PRELID2: variants seen among roughly 807,000 people sequenced by gnomAD.
PRELID2 encodes the protein PRELI domain-containing protein 2.
Under a neutral mutation model 28.4 loss-of-function variants are expected in PRELID2, and 25 were observed. The observed-to-expected ratio is 0.88, with a 90% CI of 0.64 to 1.23. The LOEUF is 1.23. Among genes scored for constraint, PRELID2 ranks in the 50% most tolerant of loss-of-function variants. PRELID2 has a pLI of 0.00. For missense variants in PRELID2, 201 were observed against 214.4 expected (o/e 0.94, Z 0.39); for synonymous variants, 76 against 71.6 (o/e 1.06, Z -0.31).
chr5:145,384,568 T>TA, the PRELID2 span, among the ~76,000 whole-genome samples: 1 of 152,296 alleles, frequency 6.6e-6, no homozygotes, highest in East Asian at 1.9e-4. Context: ...TAATCTGTGG[T>TA]AATCGTATTA....
At chr5:145,609,038 C>T (rs1753569303) in intron 1 of PRELID2, among the ~76,000 whole-genome samples, 1 of 152,140 alleles carries the variant, frequency 6.6e-6, no homozygotes, top group South Asian at 2.1e-4. Flanking sequence ...CTCTCCTCAG[C>T]TTGGTCAATT....
At chr5:145,719,203 T>G (rs1755921258) in intron 1 of PRELID2, among the ~76,000 whole-genome samples, 1 of 151,774 alleles carries the variant, frequency 6.6e-6, no homozygotes, top group Admixed American at 6.6e-5. Context: ...CCAGGAAAAC[T>G]GTGGGAAGAG....
intron 1 of PRELID2, among the ~76,000 whole-genome samples, chr5:145,714,000 AG>A (rs1755776897): frequency 6.6e-6 from 1 of 151,982 alleles, no homozygotes; most frequent in Non-Finnish European, 1.5e-5. Context: ...TAAAAAAAAA[AG>A]TCTATAGCAG....
At chr5:145,403,913 A>G in the PRELID2 span, among the ~76,000 whole-genome samples, 1 of 152,202 alleles carries the variant, frequency 6.6e-6, no homozygotes, top group South Asian at 2.1e-4. Context: ...AGCTCGCAGG[A>G]AAGTTAAATC....
the PRELID2 span, among the ~76,000 whole-genome samples, chr5:145,376,533 T>G: frequency 6.6e-6 from 1 of 152,148 alleles, no homozygotes; most frequent in East Asian, 1.9e-4. Flanking sequence ...TTCCTGGGCT[T>G]TTTTTAGTTT....
the PRELID2 span, among the ~76,000 whole-genome samples, chr5:145,369,795 C>T: frequency 6.6e-6 from 1 of 152,108 alleles, no homozygotes; most frequent in South Asian, 2.1e-4. Flanking sequence ...TGTTTCTTGA[C>T]TTTTTAATAA....
At chr5:145,499,930 C>G (rs909669151) in intron 1 of PRELID2, among the ~76,000 whole-genome samples, 11 of 152,322 alleles carry the variant, frequency 7.2e-5, no homozygotes, top group African/African-American at 2.6e-4. Flanking sequence ...GCACACCTAC[C>G]TGTAAACCCC....
intron 4 of PRELID2, among the ~76,000 whole-genome samples, chr5:145,800,799 C>G (rs932784761): frequency 2.0e-5 from 3 of 152,170 alleles, no homozygotes; most frequent in Non-Finnish European, 2.9e-5. Flanking sequence ...AAATATTGCA[C>G]TTTCCCTCAA....
At chr5:145,809,453 A>G (rs1753784639) in intron 4 of PRELID2, among the ~76,000 whole-genome samples, 1 of 152,254 alleles carries the variant, frequency 6.6e-6, no homozygotes, top group Non-Finnish European at 1.5e-5. Flanking sequence ...TGAGGCTATA[A>G]GCACCTGGAG....
chr5:145,755,797 A>G (rs1467905653), downstream of PRELID2, among the ~76,000 whole-genome samples: 1 of 152,198 alleles, frequency 6.6e-6, no homozygotes, highest in African/African-American at 2.4e-5. Context: ...CAGATGCTCA[A>G]TAAATGCTGG....
intron 1 of PRELID2, among the ~76,000 whole-genome samples, chr5:145,488,514 T>C (rs761774592): frequency 2.7e-4 from 41 of 152,138 alleles, no homozygotes; most frequent in Non-Finnish European, 4.9e-4. Flanking sequence ...CTGATTAATT[T>C]GATAATCATA....
intron 1 of PRELID2, among the ~76,000 whole-genome samples, chr5:145,647,135 G>C (rs1361780638): frequency 6.6e-6 from 1 of 152,212 alleles, no homozygotes; most frequent in Non-Finnish European, 1.5e-5. Context: ...CCTTTCTCCA[G>C]GTGCTCTGTC....
chr5:145,564,179 G>T (rs1328648278), intron 1 of PRELID2, among the ~76,000 whole-genome samples: 1 of 152,184 alleles, frequency 6.6e-6, no homozygotes, highest in Admixed American at 6.5e-5. Flanking sequence ...TGGTGTACCT[G>T]CCTCTGAAAA....
chr5:145,802,163 A>C (rs1753180622), intron 4 of PRELID2, among the ~76,000 whole-genome samples: 1 of 152,196 alleles, frequency 6.6e-6, no homozygotes, highest in African/African-American at 2.4e-5. Flanking sequence ...ATAGTGTTCT[A>C]CTGATTGAAA....
intron 1 of PRELID2, among the ~76,000 whole-genome samples, chr5:145,509,156 T>C (rs1375023463): frequency 6.6e-6 from 1 of 152,182 alleles, no homozygotes; most frequent in Non-Finnish European, 1.5e-5. Context: ...TGAACATCCG[T>C]GATATGGGTT....
the PRELID2 span, chr5:145,229,147 A>C: frequency 5.7e-6 from 6 of 1,055,918 alleles, no homozygotes; most frequent in South Asian, 7.6e-5. Context: ...GTGGGGGCCA[A>C]GTGTGTGTCC....
At chr5:145,643,180 C>A (rs1754137634) in intron 1 of PRELID2, among the ~76,000 whole-genome samples, 1 of 152,186 alleles carries the variant, frequency 6.6e-6, no homozygotes, top group Non-Finnish European at 1.5e-5. Flanking sequence ...TTTGTGTCCT[C>A]TCTTATTTCC....
the PRELID2 span, among the ~76,000 whole-genome samples, chr5:145,334,459 T>C: frequency 1.1e-4 from 17 of 152,204 alleles, no homozygotes; most frequent in African/African-American, 3.4e-4. Flanking sequence ...AAAAATACTT[T>C]TGTCTTTTAA....
chr5:145,467,257 C>T (rs866243153), downstream of PRELID2, among the ~76,000 whole-genome samples: 3 of 152,094 alleles, frequency 2.0e-5, no homozygotes, highest in South Asian at 2.1e-4. Flanking sequence ...AACTCTAGCC[C>T]ACCAGCACTG....
Sources: gnomAD v4.1 joint callset for allele counts (sites outside exome capture counted in the v4.1 genomes callset) on GRCh38, gnomAD v4.1.1 for gene constraint, MANE v1.5 for transcripts, NCBI Gene and HGNC (gene_info 2026-07-23, HGNC 2026-07-21) for gene names.